MLIP: variants seen among roughly 807,000 people sequenced by gnomAD.
MLIP encodes the protein muscular LMNA interacting protein, also known as muscular LMNA-interacting protein.
MLIP carries 79 observed loss-of-function variants against 84.8 expected under a neutral mutation model. The observed-to-expected ratio is 0.93, with a 90% CI of 0.78 to 1.12. The LOEUF is 1.12. Among genes scored for constraint, MLIP ranks in the 50% most tolerant of loss-of-function variants. The pLI is 0.00. For missense variants in MLIP, 1,257 were observed against 1,160.6 expected (o/e 1.08, Z -1.21); for synonymous variants, 504 against 463.0 (o/e 1.09, Z -1.14).
At chr6:54,063,469 G>T (rs987580195) in intron 1 of MLIP, 7 of 152,088 alleles carry the variant, frequency 4.6e-5, no homozygotes, top group African/African-American at 1.7e-4. Flanking sequence ...TGTGATAAAG[G>T]TATTATGAAT....
At chr6:54,072,750 A>G (rs190197564) in intron 1 of MLIP, among the ~76,000 whole-genome samples, 1 of 152,340 alleles carries the variant, frequency 6.6e-6, no homozygotes, top group Admixed American at 6.5e-5. Context: ...TGAGTCTGTC[A>G]TCAGAAATAA....
At chr6:54,022,783 G>C (rs748107959) in intron 1 of MLIP, among the ~76,000 whole-genome samples, 6 of 152,106 alleles carry the variant, frequency 3.9e-5, no homozygotes, top group Non-Finnish European at 8.8e-5. Context: ...CAGATCTCAT[G>C]CATAAATTTA....
At chr6:54,053,068 A>G (rs1193101504) in intron 1 of MLIP, among the ~76,000 whole-genome samples, 3 of 152,212 alleles carry the variant, frequency 2.0e-5, no homozygotes, top group Non-Finnish European at 4.4e-5. Flanking sequence ...GAGCACTTAT[A>G]TTAGCCCCAT....
At chr6:54,098,259 G>A (rs556639176) in intron 1 of MLIP, among the ~76,000 whole-genome samples, 1 of 149,378 alleles carries the variant, frequency 6.7e-6, no homozygotes. Flanking sequence ...GGGCTCAAGA[G>A]CTCCTCCACC....
intron 1 of MLIP, chr6:54,029,083 A>G (rs770550991): frequency 6.6e-6 from 1 of 152,212 alleles, no homozygotes; most frequent in Non-Finnish European, 1.5e-5. Flanking sequence ...GTGTTCCATT[A>G]GTGATCTTGA....
chr6:54,115,453 G>A (rs1480940012), intron 1 of MLIP, among the ~76,000 whole-genome samples: 1 of 152,122 alleles, frequency 6.6e-6, no homozygotes, highest in Non-Finnish European at 1.5e-5. Context: ...TAGGGGGATA[G>A]TATGGAGCGA....
chr6:54,070,989 C>T (rs897743505), intron 1 of MLIP, among the ~76,000 whole-genome samples: 1 of 152,088 alleles, frequency 6.6e-6, no homozygotes, highest in African/African-American at 2.4e-5. Context: ...TATTTCCCAT[C>T]ATGGACCCAT....
chr6:54,045,393 T>A (rs1260424934), intron 1 of MLIP: 1 of 151,992 alleles, frequency 6.6e-6, no homozygotes, highest in Non-Finnish European at 1.5e-5. Flanking sequence ...CCATGCATGA[T>A]CAAATTTTGA....
At chr6:54,113,171 C>A (rs545186085) in intron 1 of MLIP, among the ~76,000 whole-genome samples, 1 of 151,984 alleles carries the variant, frequency 6.6e-6, no homozygotes. Context: ...TAAGATAGAC[C>A]TATAGTCATG....
chr6:54,239,660 G>A (rs1430301993), intron 12 of MLIP, among the ~76,000 whole-genome samples: 2 of 151,120 alleles, frequency 1.3e-5, no homozygotes, highest in African/African-American at 4.9e-5. Flanking sequence ...GGTGACACAT[G>A]CCTGTAGTCC....
At chr6:54,251,103 T>C (rs1413288174) in intron 12 of MLIP, among the ~76,000 whole-genome samples, 3 of 152,066 alleles carry the variant, frequency 2.0e-5, no homozygotes, top group African/African-American at 7.2e-5. Flanking sequence ...GTAAATGATC[T>C]AACTATACAA....
intron 1 of MLIP, among the ~76,000 whole-genome samples, chr6:54,076,762 T>G (rs1027335446): frequency 6.6e-5 from 10 of 152,318 alleles, no homozygotes; most frequent in Middle Eastern, 3.4e-3. Flanking sequence ...ATTCCCACAG[T>G]GAACATACAT....
intron 1 of MLIP, among the ~76,000 whole-genome samples, chr6:54,050,621 A>G (rs1765321334): frequency 2.6e-5 from 4 of 152,070 alleles, no homozygotes; most frequent in African/African-American, 4.8e-5. Flanking sequence ...TCCTAATATA[A>G]TCATTGTTTG....
At chr6:54,034,082 G>A (rs1367676587) in intron 1 of MLIP, among the ~76,000 whole-genome samples, 1 of 152,102 alleles carries the variant, frequency 6.6e-6, no homozygotes, top group Non-Finnish European at 1.5e-5. Flanking sequence ...AAGCTGTCTT[G>A]CCAAAATTTT....
intron 9 of MLIP, among the ~76,000 whole-genome samples, chr6:54,183,622 A>G (rs1281308555): frequency 8.1e-6 from 1 of 123,794 alleles, no homozygotes; most frequent in Non-Finnish European, 1.7e-5. Flanking sequence ...TAGAATCATC[A>G]TTCCCTATCT....
At chr6:54,133,631 C>T (rs1771568601) in intron 3 of MLIP, among the ~76,000 whole-genome samples, 1 of 152,034 alleles carries the variant, frequency 6.6e-6, no homozygotes, top group African/African-American at 2.4e-5. Context: ...TATACAGGAG[C>T]AGTTTATTTT....
chr6:54,143,237 G>A (rs1216312031), intron 4 of MLIP, among the ~76,000 whole-genome samples: 2 of 146,412 alleles, frequency 1.4e-5, no homozygotes, highest in African/African-American at 5.1e-5. Context: ...TTTTTTTTGA[G>A]GTGTAGTTTC....
intron 12 of MLIP, among the ~76,000 whole-genome samples, chr6:54,246,195 C>T (rs547337933): frequency 1.3e-5 from 2 of 152,188 alleles, no homozygotes; most frequent in East Asian, 3.9e-4. Context: ...TATTTAGCCA[C>T]CATTAGACAT....
intron 2 of MLIP, among the ~76,000 whole-genome samples, chr6:54,122,953 A>G (rs960495948): frequency 4.0e-5 from 6 of 149,484 alleles, no homozygotes; most frequent in African/African-American, 1.5e-4. Context: ...TTTTTTTGAG[A>G]CGGAGTCTCG....
Sources: gnomAD v4.1 joint callset for allele counts (sites outside exome capture counted in the v4.1 genomes callset) on GRCh38, gnomAD v4.1.1 for gene constraint, MANE v1.5 for transcripts, NCBI Gene and HGNC (gene_info 2026-07-23, HGNC 2026-07-21) for gene names.